TRHDE: variants seen among roughly 807,000 people sequenced by gnomAD.
The protein encoded by TRHDE is thyrotropin-releasing hormone-degrading ectoenzyme.
A neutral mutation model predicts 125.7 loss-of-function variants in TRHDE; 72 were observed. The ratio of observed to expected loss-of-function variants is 0.57; its 90% CI spans 0.47 to 0.70. The LOEUF (loss-of-function observed/expected upper bound fraction) is 0.70, where lower values mean the gene tolerates loss of function less well. Among genes scored for constraint, TRHDE ranks in the 30% least tolerant of loss-of-function variants. TRHDE has a pLI of 0.00. For missense variants in TRHDE, 1,110 were observed against 1,327.1 expected (o/e 0.84, Z 2.54); for synonymous variants, 509 against 509.1 (o/e 1.00, Z 0.00).
At position 72,612,761 on chromosome 12, in the gene TRHDE, A is replaced by G. The variant is rs539218697; in HGVS notation, c.2322-6130A>G. On this transcript the variant is annotated intron_variant, in intron 12 of 18. Transcript: ENST00000261180. The stretch of plus-strand genomic sequence containing the variant: ...TTAAGTTGATAGTTTTCTAAAAAGT[A>G]GTTGACTTGGGCCATAAAACTAAGG... 2.2e-4 allele frequency among the ~76,000 whole-genome samples: 33 copies of G among 152,364 alleles called. No homozygotes were observed. In the South Asian group the frequency reaches 6.2e-3, roughly 29 times the overall value.
rs761502866 is a variant in TRHDE, at chr12:72,378,041, A to T, written c.1235A>T (p.Asp412Val). ...GATGCTATCAGAAGAGGATCCGGGG[A>T]CTATGCTCTCCATATAACAAAGAGA... ...RPDAIRRGSG[D>V]YALHITKRLI... The change falls in exon 3 of 19, where the codon GAC becomes GTC. Residue 412 changes from aspartate to valine, a missense_variant. By Grantham distance (152) the Asp-to-Val change is radical. Coordinates refer to ENST00000261180, the MANE Select transcript of TRHDE (RefSeq NM_013381.3). 1.9e-6 allele frequency: 3 copies of T among 1,607,064 alleles called. No individual in the cohort carries two copies. In the South Asian group the frequency reaches 3.3e-5, roughly 18 times the overall value.
chr12:72,272,545 G>C lies in TRHDE; in HGVS notation c.-99G>C. 2 of 574,484 alleles carry C rather than the reference G, an allele frequency of 3.5e-6. No homozygotes were observed. The highest frequency in any genetic ancestry group is 2.9e-5 in the East Asian group (1 of 34,006). 35.6% of individuals were successfully genotyped at this position (574,484 alleles called of 1,614,324 possible). ...CCAGCATCCCCAGTCGCGCGCCCTCGGCCCGCGTGAGCTCTCCGATGCCTG... is the reference window on the plus strand; with the variant it reads ...CCAGCATCCCCAGTCGCGCGCCCTCCGCCCGCGTGAGCTCTCCGATGCCTG... On this transcript the variant is annotated 5_prime_UTR_variant, in exon 1 of 19. Coordinates refer to ENST00000261180, the MANE Select transcript of TRHDE (RefSeq NM_013381.3). The surrounding 1 kb of genome is among the most constrained non-coding windows in gnomAD (Gnocchi z 6.7).
chr12:72,544,946 C>T (rs940014040), intron 7 of TRHDE, among the ~76,000 whole-genome samples: 1 of 151,246 alleles, frequency 6.6e-6, no homozygotes, highest in Admixed American at 6.6e-5. Flanking sequence ...TATTTTTCAG[C>T]AGGAAGAGAC....
chr12:72,215,727 T>A (rs920535426), intron 2 of TRHDE, among the ~76,000 whole-genome samples: 1 of 152,184 alleles, frequency 6.6e-6, no homozygotes, highest in African/African-American at 2.4e-5. Flanking sequence ...GATGGAAATG[T>A]GCCCATGGCA....
intron 3 of TRHDE, among the ~76,000 whole-genome samples, chr12:72,451,242 G>A (rs1191683792): frequency 2.6e-5 from 4 of 152,008 alleles, no homozygotes; most frequent in Admixed American, 2.6e-4. Flanking sequence ...TTCTTCTAGT[G>A]GTTTTATAGT....
In TRHDE at chr12:72,593,613, C is replaced by T. The variant is rs183558786; in HGVS notation, c.2321+18071C>T. Among the ~76,000 whole-genome samples the T allele has an allele frequency of 2.1e-3, 317 of 152,146 alleles. 1 individual carries two copies. Among genetic ancestry groups the T allele is most frequent in the African/African-American group, 6.7e-3 (277 of 41,504 alleles). ...CATGTGCCATGTTGGTGTGCTGCAC[C>T]TGTTAACTCATCATTTACATTAGGT... is the stretch of plus-strand genomic sequence containing the variant. On this transcript the variant is annotated intron_variant, in intron 12 of 18. Transcript: ENST00000261180.
chr12:72,516,856 CGT>C (rs1878890337), intron 6 of TRHDE, among the ~76,000 whole-genome samples: 25 of 150,752 alleles, frequency 1.7e-4, no homozygotes, highest in African/African-American at 5.7e-4. Flanking sequence ...TAGCATGAAG[CGT>C]TGTTGAATTT....
chr12:72,225,302 C>G (rs527379526), intron 2 of TRHDE, among the ~76,000 whole-genome samples: 1 of 152,262 alleles, frequency 6.6e-6, no homozygotes, highest in East Asian at 1.9e-4. Context: ...ACATTAGCCT[C>G]ATAAGCAGCA....
At chr12:72,477,492 A>G (rs1876953055) in intron 5 of TRHDE, among the ~76,000 whole-genome samples, 1 of 152,174 alleles carries the variant, frequency 6.6e-6, no homozygotes, top group Non-Finnish European at 1.5e-5. Flanking sequence ...CTGAAGACAC[A>G]TTTCAAAGAG....
chr12:72,184,325 T>C (rs1054061676), intron 2 of TRHDE, among the ~76,000 whole-genome samples: 1 of 152,110 alleles, frequency 6.6e-6, no homozygotes, highest in Non-Finnish European at 1.5e-5. Context: ...TTCCAGTTCC[T>C]TCTCTTCCAA....
chr12:72,394,498 T>C (rs1872717771), intron 3 of TRHDE, among the ~76,000 whole-genome samples: 1 of 152,160 alleles, frequency 6.6e-6, no homozygotes, highest in African/African-American at 2.4e-5. Flanking sequence ...TTCACATATA[T>C]ATGTGCACAT....
chr12:72,477,888 G>A (rs1876975197), intron 5 of TRHDE, among the ~76,000 whole-genome samples: 1 of 152,122 alleles, frequency 6.6e-6, no homozygotes, highest in African/African-American at 2.4e-5. Context: ...TCAGGTTCCT[G>A]AATATAGCAT....
intron 15 of TRHDE, among the ~76,000 whole-genome samples, chr12:72,649,716 A>G (rs1874427800): frequency 6.6e-6 from 1 of 152,146 alleles, no homozygotes; most frequent in Non-Finnish European, 1.5e-5. Context: ...TCCAATTACA[A>G]AAAGGGGTAA....
rs531067163 is a variant in TRHDE, at chr12:72,614,330, A to ATATATATATATATTT, written c.2322-4560_2322-4559insATATATATATATTTT. On this transcript the variant is annotated intron_variant, in intron 12 of 18. Transcript: ENST00000261180. The stretch of plus-strand genomic sequence containing the variant: ...TACATATGTATATATATATATATAT[A>ATATATATATATATTT]TTTTTTTTTTCTCTAGAAACTGATC... Among the ~76,000 whole-genome samples, 91 of 129,834 alleles carry ATATATATATATATTT rather than the reference A, an allele frequency of 7.0e-4. 1 individual carries two copies. Among genetic ancestry groups the ATATATATATATATTT allele is most frequent in the African/African-American group, 2.7e-3 (87 of 32,778 alleles). The allele number at this position is 129,834 out of a possible 152,430, so 85.2% of individuals were successfully genotyped here. A position where few individuals can be genotyped will look rare whatever the true frequency, so the allele number is the denominator to read the frequency against.
At chr12:72,561,434 G>A (rs933191764) in intron 7 of TRHDE, among the ~76,000 whole-genome samples, 1 of 152,042 alleles carries the variant, frequency 6.6e-6, no homozygotes. Flanking sequence ...AAAAAATAAT[G>A]CAAACCAGCC....
chr12:72,355,245 T>C (rs555205812), intron 2 of TRHDE, among the ~76,000 whole-genome samples: 65 of 151,578 alleles, frequency 4.3e-4, no homozygotes, highest in African/African-American at 1.5e-3. Flanking sequence ...GGTGAGAAAT[T>C]TGAAGGATAG....
At chr12:72,272,058 C>A (rs545403810), upstream of TRHDE, 30 of 457,590 alleles carry the variant, frequency 6.6e-5, no homozygotes, top group South Asian at 4.6e-4. This position sits in a 1 kb window ranked among gnomAD's most constrained non-coding sequence, Gnocchi z 6.7. Context: ...CCTCGGCCAT[C>A]CTTTTCTCTC....
chr12:72,484,011 G>GGGA (rs1158262998), intron 5 of TRHDE, among the ~76,000 whole-genome samples: 1 of 151,988 alleles, frequency 6.6e-6, no homozygotes, highest in Non-Finnish European at 1.5e-5. Flanking sequence ...AATAACTTCT[G>GGGA]GGAGTCGATT....
intron 2 of TRHDE, among the ~76,000 whole-genome samples, chr12:72,302,729 A>G (rs1289339739): frequency 6.6e-6 from 1 of 152,148 alleles, no homozygotes; most frequent in African/African-American, 2.4e-5. Flanking sequence ...CTTATTTGTT[A>G]GCTAGATGGT....
Sources: allele counts gnomAD v4.1 joint callset (sites outside exome capture counted in the v4.1 genomes callset), GRCh38; gene constraint gnomAD v4.1.1; non-coding constraint Gnocchi (gnomAD v3.1); transcripts MANE v1.5; gene names NCBI Gene and HGNC (gene_info 2026-07-23, HGNC 2026-07-21).